The following CFI variants were observed in gnomAD, a reference collection of about 807,000 sequenced individuals.
CFI encodes the protein complement factor I, also known as C3B/C4B inactivator.
In CFI, 66 loss-of-function variants were observed where a neutral mutation model predicts 78.8. That is an observed-to-expected ratio of 0.84 (90% CI 0.69 to 1.03). CFI has a LOEUF of 1.03. Ranked by LOEUF, CFI falls within the 50% of genes least tolerant of loss-of-function variation. The pLI is 0.00. For missense variants in CFI, 706 were observed against 704.5 expected, an observed-to-expected ratio of 1.00 and a Z score of -0.02; for synonymous variants, 250 against 232.6, an observed-to-expected ratio of 1.07 and a Z score of -0.68.
chr4:109,775,305 C>T (rs750795457), intron 1 of CFI, among the ~76,000 whole-genome samples: 1 of 152,144 alleles, frequency 6.6e-6, no homozygotes, highest in South Asian at 2.1e-4. Flanking sequence ...CACCCTAATG[C>T]TGCACTTTTC....
At chr4:109,739,062 C>G (rs559843398), downstream of CFI, among the ~76,000 whole-genome samples, 1 of 152,018 alleles carries the variant, frequency 6.6e-6, no homozygotes, top group South Asian at 2.1e-4. Flanking sequence ...TTTACACTTA[C>G]AAATAGTTAA....
In CFI at chr4:109,764,595, T is replaced by C. The variant is rs762431670; in HGVS notation, c.424A>G (p.Lys142Glu). Residue 142 changes from lysine to glutamate, a missense_variant, in exon 3 of 13, where the codon AAA (lysine) becomes GAA (glutamate). Physicochemically the swap from Lys to Glu is moderately conservative, Grantham distance 56. Transcript: ENST00000394634. Reference protein sequence around the residue: ...VDQDKTMFICKSSWSMREANV... With the variant: ...VDQDKTMFICESSWSMREANV... ...GCTTCCCTCATGCTCCAGCTGCTTTTGCATATGAACATTGTCTTATCTTGG... is the reference window on the plus strand; with the variant it reads ...GCTTCCCTCATGCTCCAGCTGCTTTCGCATATGAACATTGTCTTATCTTGG... The C allele has an allele frequency of 1.9e-6, 3 of 1,614,188 alleles. No homozygotes were observed. Among genetic ancestry groups the C allele is most frequent in the Non-Finnish European group, 2.5e-6 (3 of 1,180,032 alleles).
At chr4:109,795,176 C>T (rs1354836251) in intron 1 of CFI, among the ~76,000 whole-genome samples, 1 of 152,196 alleles carries the variant, frequency 6.6e-6, no homozygotes, top group Non-Finnish European at 1.5e-5. Context: ...AGCAACCCTG[C>T]TCCTGGGCAC....
chr4:109,784,755 T>G (rs896770817), intron 1 of CFI, among the ~76,000 whole-genome samples: 3 of 152,116 alleles, frequency 2.0e-5, no homozygotes, highest in African/African-American at 7.2e-5. Context: ...TCTAACACAT[T>G]AATGATGAAC....
At chr4:109,735,183 G>A in the CFI span, among the ~76,000 whole-genome samples, 1 of 152,010 alleles carries the variant, frequency 6.6e-6, no homozygotes, top group Non-Finnish European at 1.5e-5. Context: ...TTGAATTCTT[G>A]GGCTCAAGTG....
chr4:109,734,301 C>A, the CFI span, among the ~76,000 whole-genome samples: 1 of 152,106 alleles, frequency 6.6e-6, no homozygotes, highest in Non-Finnish European at 1.5e-5. Flanking sequence ...TAAGAAGGAG[C>A]AGCCAAGTGC....
intron 1 of CFI, among the ~76,000 whole-genome samples, chr4:109,785,904 G>C (rs932312051): frequency 1.2e-4 from 18 of 152,006 alleles, no homozygotes; most frequent in African/African-American, 4.3e-4. Flanking sequence ...TCATGATTGT[G>C]AGTTTCCTGA....
chr4:109,782,981 G>A (rs1325454940), intron 1 of CFI, among the ~76,000 whole-genome samples: 2 of 152,036 alleles, frequency 1.3e-5, no homozygotes, highest in African/African-American at 4.8e-5. Flanking sequence ...CCACATGTAG[G>A]AGAATGAAAG....
chr4:109,752,644 AAGGC>A, intron 7 of CFI, 141 bp from the exon 8 acceptor site: 1 of 697,076 alleles, frequency 1.4e-6, no homozygotes, highest in South Asian at 1.8e-5. Context: ...CAAAATCCCC[AAGGC>A]ATGTCATCTT....
At position 109,740,894 on chromosome 4, in the gene CFI, T is replaced by C; in HGVS notation, c.1751A>G (p.Ter584=). 1 of 1,610,238 alleles carries C rather than the reference T, an allele frequency of 6.2e-7. No homozygotes were observed. The highest frequency in any genetic ancestry group is 8.5e-7 in the Non-Finnish European group (1 of 1,176,424). ...GRPFISQYNV[*] ...AGAATGAAGAGAGAGATCACAATTTTATACATTGTACTGAGAAATAAAAGG... is the reference window on the plus strand; with the variant it reads ...AGAATGAAGAGAGAGATCACAATTTCATACATTGTACTGAGAAATAAAAGG... Residue 584 remains the stop codon, a stop_retained_variant, in exon 13 of 13, where the codon TAA becomes TGA. Coordinates refer to ENST00000394634, the MANE Select transcript of CFI (RefSeq NM_000204.5).
intron 1 of CFI, among the ~76,000 whole-genome samples, chr4:109,782,935 C>T (rs928704390): frequency 1.3e-5 from 2 of 152,072 alleles, no homozygotes; most frequent in South Asian, 2.1e-4. Context: ...CGAAAGGACA[C>T]CCTTTTCAAC....
At chr4:109,792,418 A>T (rs1456081964) in intron 1 of CFI, among the ~76,000 whole-genome samples, 1 of 152,168 alleles carries the variant, frequency 6.6e-6, no homozygotes, top group Non-Finnish European at 1.5e-5. Flanking sequence ...TCTACTAAAA[A>T]TACACAAATT....
rs1561302698 is a variant in CFI, at chr4:109,761,567, GTTC to G, written c.605_607del (p.Arg202del). Reference sequence around the variant, plus strand: ...ATCAGCGAAATCCTGGTAACCCATAGTTCTTCTCTTAGTAAAAGTACATTCAGC... The same window carrying G: ...ATCAGCGAAATCCTGGTAACCCATAGTTCTCTTAGTAAAAGTACATTCAGC... On this transcript the variant is annotated inframe_deletion, in exon 4 of 13. Coordinates refer to ENST00000394634, the MANE Select transcript of CFI (RefSeq NM_000204.5). The G allele has an allele frequency of 1.2e-6, 2 of 1,614,076 alleles. No individual in the cohort carries two copies. Among genetic ancestry groups the G allele is most frequent in the Non-Finnish European group, 1.7e-6 (2 of 1,179,986 alleles).
At chr4:109,801,259 C>T (rs1238851348) in intron 1 of CFI, among the ~76,000 whole-genome samples, 1 of 152,178 alleles carries the variant, frequency 6.6e-6, no homozygotes. Context: ...TGCTGCCTTC[C>T]TATGGTAGCA....
chr4:109,733,148 T>A, the CFI span, among the ~76,000 whole-genome samples: 2 of 152,064 alleles, frequency 1.3e-5, no homozygotes, highest in African/African-American at 4.8e-5. Context: ...ATTTTTTGTA[T>A]TTTTAGTAGC....
chr4:109,738,622 A>G (rs1723517408), downstream of CFI, among the ~76,000 whole-genome samples: 1 of 152,150 alleles, frequency 6.6e-6, no homozygotes, highest in Non-Finnish European at 1.5e-5. Context: ...GGGTTAGAGA[A>G]GGCCATGCAG....
At chr4:109,801,804 C>G in intron 1 of CFI, 111 bp downstream of exon 1, 1 of 715,748 alleles carries the variant, frequency 1.4e-6, no homozygotes, top group East Asian at 2.8e-5. Flanking sequence ...ATTGTTGTAA[C>G]TGAACTATGT....
intron 7 of CFI, among the ~76,000 whole-genome samples, chr4:109,753,717 A>ATAATGTATAATTTTATATTATATATTATC (rs1321704697): frequency 0.11 from 2,166 of 20,012 alleles, 1,082 homozygotes; most frequent in Non-Finnish European, 0.15. Flanking sequence ...TATATATTAT[A>ATAATGTATAATTTTATATTATATATTATC]TAATGTATAA....
chr4:109,748,375 A>T (rs1043050169), intron 10 of CFI, among the ~76,000 whole-genome samples: 4 of 152,222 alleles, frequency 2.6e-5, no homozygotes, highest in Non-Finnish European at 5.9e-5. Context: ...GGAGTTCACG[A>T]TCTAGGGAAA....
Sources: allele counts gnomAD v4.1 joint callset (sites outside exome capture counted in the v4.1 genomes callset), GRCh38; gene constraint gnomAD v4.1.1; transcripts MANE v1.5; gene names NCBI Gene and HGNC (gene_info 2026-07-23, HGNC 2026-07-21).